Variants in SCARA5 observed in about 807,000 individuals in gnomAD.
The protein encoded by SCARA5 is scavenger receptor class A member 5.
SCARA5 carries 45 observed loss-of-function variants against 46.3 expected under a neutral mutation model. That is an observed-to-expected ratio of 0.97 (90% CI 0.76 to 1.24). SCARA5 has a LOEUF of 1.24. SCARA5 is among the 50% of genes most tolerant of loss of function. SCARA5 has a pLI of 0.00. For missense variants in SCARA5, 680 were observed against 689.0 expected, an observed-to-expected ratio of 0.99 and a Z score of 0.15; for synonymous variants, 333 against 306.5, an observed-to-expected ratio of 1.09 and a Z score of -0.90.
At chr8:27,921,244 CCA>C in intron 4 of SCARA5, among the ~76,000 whole-genome samples, 1 of 152,330 alleles carries the variant, frequency 6.6e-6, no homozygotes, top group South Asian at 2.1e-4. Flanking sequence ...TCCAGCACAC[CCA>C]CGCAAGCTGA....
At chr8:27,963,286 G>A (rs1434391773) in intron 3 of SCARA5, among the ~76,000 whole-genome samples, 2 of 152,152 alleles carry the variant, frequency 1.3e-5, no homozygotes, top group Non-Finnish European at 2.9e-5. Flanking sequence ...GGACCCCCTG[G>A]CCACACGACC....
intron 2 of SCARA5, among the ~76,000 whole-genome samples, chr8:27,977,797 C>T (rs1392183633): frequency 6.6e-6 from 1 of 152,368 alleles, no homozygotes; most frequent in African/African-American, 2.4e-5. Flanking sequence ...ATTCCAGCCT[C>T]CCTGGCCTGG....
rs1310044471 is a variant in SCARA5 at position 27,922,141 on chromosome 8, G to A, written c.346C>T (p.Pro116Ser). 5 of 1,607,506 alleles carry A rather than the reference G, an allele frequency of 3.1e-6. No individual in the cohort carries two copies. Among genetic ancestry groups the A allele is most frequent in the Admixed American group, 1.7e-5 (1 of 59,250 alleles). Residue 116 changes from proline (P) to serine (S), a missense_variant, in exon 4 of 9, where the codon CCG becomes TCG. Pro to Ser is a moderately conservative substitution (Grantham distance 74). This residue lies in a region of SCARA5 where 438 missense variants were observed against 384.5 expected (regional missense o/e 1.14). Transcript: ENST00000354914. ...TGCTCCGTCAGGTCCGCTTGCAGCGGAGCCTGCAGCAGCCGCAGCTGCAAG... is the reference window on the plus strand; with the variant it reads ...TGCTCCGTCAGGTCCGCTTGCAGCGAAGCCTGCAGCAGCCGCAGCTGCAAG... ...RDLQLRLLQA[P>S]LQADLTEQVW... is the part of the protein sequence containing the mutation.
intron 8 of SCARA5, among the ~76,000 whole-genome samples, chr8:27,873,917 G>T (rs1806683137): frequency 6.6e-6 from 1 of 152,194 alleles, no homozygotes; most frequent in African/African-American, 2.4e-5. Flanking sequence ...GGGCGTGGTG[G>T]TGCACGCCTG....
intron 3 of SCARA5, among the ~76,000 whole-genome samples, chr8:27,932,991 TA>T (rs1273915936): frequency 1.3e-5 from 2 of 152,206 alleles, no homozygotes; most frequent in Non-Finnish European, 2.9e-5. Flanking sequence ...CCTTATGACC[TA>T]CTTTAACCTT....
intron 3 of SCARA5, among the ~76,000 whole-genome samples, chr8:27,927,938 A>G (rs1311331647): frequency 6.6e-6 from 1 of 152,212 alleles, no homozygotes; most frequent in East Asian, 1.9e-4. Context: ...GTCTATTTGC[A>G]TTTTAGAAGC....
At chr8:27,905,705 CTT>C (rs869032548) in intron 6 of SCARA5, among the ~76,000 whole-genome samples, 90 of 8,070 alleles carry the variant, frequency 0.011, 1 homozygote, top group South Asian at 0.071. Context: ...CTTTTCTTTT[CTT>C]TTTTTTTTTT....
At chr8:27,890,137 C>T (rs1188531903) in intron 7 of SCARA5, among the ~76,000 whole-genome samples, 1 of 152,182 alleles carries the variant, frequency 6.6e-6, no homozygotes, top group Non-Finnish European at 1.5e-5. Context: ...ATAAGAAAGA[C>T]CACAGAATGT....
chr8:27,989,542 G>T lies in SCARA5; in HGVS notation c.-15-1912C>A, dbSNP rs186705988. Among the ~76,000 whole-genome samples, 118 of 152,268 alleles carry T rather than the reference G, an allele frequency of 7.7e-4. 1 individual carries two copies. The highest frequency in any genetic ancestry group is 2.2e-4 in the Non-Finnish European group (15 of 68,008). ...ACATGTCCTTCTAATGACCCAGGAG[G>T]GCTGGACGCCTCTGCTGTTAGCCCT... On this transcript the variant is annotated intron_variant, in intron 1 of 8. Transcript: ENST00000354914.
intron 3 of SCARA5, among the ~76,000 whole-genome samples, chr8:27,963,488 T>C (rs1808321465): frequency 6.6e-6 from 1 of 152,156 alleles, no homozygotes; most frequent in South Asian, 2.1e-4. Context: ...TGGGAGATGA[T>C]GACAGGCTAT....
Position 27,879,722 on chromosome 8 carries a change from C to T in SCARA5, c.1198G>A (p.Gly400Ser). Reference protein sequence around the residue: ...PMMIRLVNGSGPHEGRVEVYH... With the variant: ...PMMIRLVNGSSPHEGRVEVYH... Reference sequence around the variant, plus strand: ...ACTTCCACGCGGCCCTCGTGCGGACCTGAGCCATTCACCAGGCGGATCATC... The same window carrying T: ...ACTTCCACGCGGCCCTCGTGCGGACTTGAGCCATTCACCAGGCGGATCATC... Residue 400 changes from glycine (G) to serine (S), a missense_variant, in exon 8 of 9, where the codon GGT (glycine) becomes AGT (serine). Around this residue, in one of 3 missense-constraint regions of SCARA5, gnomAD observed 219 missense variants for 269.5 expected, o/e 0.81. Transcript: ENST00000354914. 1 of 1,613,182 alleles carries T rather than the reference C, an allele frequency of 6.2e-7. No homozygotes were observed. Among genetic ancestry groups the T allele is most frequent in the African/African-American group, 1.3e-5 (1 of 75,044 alleles).
intron 7 of SCARA5, among the ~76,000 whole-genome samples, chr8:27,884,726 C>T (rs1219504850): frequency 6.6e-6 from 1 of 152,212 alleles, no homozygotes; most frequent in Non-Finnish European, 1.5e-5. Flanking sequence ...ACTCGTTTAG[C>T]CAAGTAAGTG....
At chr8:27,978,682 A>T (rs927290814) in intron 2 of SCARA5, among the ~76,000 whole-genome samples, 1 of 151,936 alleles carries the variant, frequency 6.6e-6, no homozygotes, top group Non-Finnish European at 1.5e-5. Context: ...GCTAATTTTT[A>T]AAATTTTTTG....
chr8:27,981,500 C>T (rs541186454), intron 2 of SCARA5, among the ~76,000 whole-genome samples: 2 of 152,354 alleles, frequency 1.3e-5, no homozygotes, highest in Admixed American at 1.3e-4. Context: ...TCCAGCTTCC[C>T]TGTCTCCCCT....
intron 7 of SCARA5, among the ~76,000 whole-genome samples, chr8:27,885,804 A>C (rs942857564): frequency 1.6e-4 from 25 of 152,232 alleles, no homozygotes; most frequent in African/African-American, 6.0e-4. Flanking sequence ...CTGTCAGATG[A>C]TCATGGTGGG....
chr8:27,893,596 T>C (rs1357427827), intron 7 of SCARA5, among the ~76,000 whole-genome samples: 1 of 152,060 alleles, frequency 6.6e-6, no homozygotes, highest in Non-Finnish European at 1.5e-5. Flanking sequence ...GATCCTCTCC[T>C]CTCTGTAGCA....
intron 4 of SCARA5, among the ~76,000 whole-genome samples, chr8:27,914,199 T>C (rs1807424324): frequency 6.6e-6 from 1 of 152,212 alleles, no homozygotes; most frequent in African/African-American, 2.4e-5. Context: ...TGCTCCTCCT[T>C]CACCTCCTGC....
chr8:27,955,544 C>T (rs921589898), intron 3 of SCARA5, among the ~76,000 whole-genome samples: 4 of 152,156 alleles, frequency 2.6e-5, no homozygotes, highest in Non-Finnish European at 5.9e-5. Context: ...CCTAACAAAA[C>T]CAAACACACC....
intron 2 of SCARA5, among the ~76,000 whole-genome samples, chr8:27,971,302 T>G (rs186348896): frequency 6.6e-6 from 1 of 152,164 alleles, no homozygotes; most frequent in African/African-American, 2.4e-5. Context: ...AGTCACAGAG[T>G]CTGCATGGAG....
Sources: gnomAD v4.1 joint callset for allele counts (sites outside exome capture counted in the v4.1 genomes callset) on GRCh38, gnomAD v4.1.1 for gene constraint, gnomAD v4.1.1 regional missense constraint, MANE v1.5 for transcripts, NCBI Gene and HGNC (gene_info 2026-07-23, HGNC 2026-07-21) for gene names.